COMMD1: variants seen among roughly 807,000 people sequenced by gnomAD.
COMMD1 encodes COMM domain-containing protein 1.
In COMMD1, 10 loss-of-function variants were observed where a neutral mutation model predicts 17.2. The ratio of observed to expected loss-of-function variants is 0.58; its 90% confidence interval spans 0.36 to 0.99. COMMD1 has a LOEUF of 0.99. Ranked by LOEUF, COMMD1 falls within the 50% of genes least tolerant of loss-of-function variation. The pLI, the probability that COMMD1 is intolerant of heterozygous loss-of-function variation, is 0.01. For synonymous variants in COMMD1, 97 were observed against 91.6 expected, an observed-to-expected ratio of 1.06 and a Z score of -0.34; for missense variants, 270 against 231.8, an observed-to-expected ratio of 1.17 and a Z score of -1.07.
intron 1 of COMMD1, among the ~76,000 whole-genome samples, chr2:61,890,498 C>G (rs1035171314): frequency 2.6e-5 from 4 of 152,078 alleles, no homozygotes; most frequent in African/African-American, 9.7e-5. Context: ...GGATTGCAGG[C>G]TTGGCGAGAG....
At chr2:62,021,188 G>A (rs539858773) in intron 2 of COMMD1, among the ~76,000 whole-genome samples, 1 of 152,268 alleles carries the variant, frequency 6.6e-6, no homozygotes, top group Admixed American at 6.5e-5. Context: ...CAGTACTTGG[G>A]ATTTGAATTT....
At chr2:61,921,984 G>A (rs1423350458) in intron 1 of COMMD1, among the ~76,000 whole-genome samples, 1 of 152,070 alleles carries the variant, frequency 6.6e-6, no homozygotes, top group Admixed American at 6.5e-5. Context: ...TCCTGTCGAT[G>A]TATTCTGTAG....
intron 2 of COMMD1, among the ~76,000 whole-genome samples, chr2:62,034,472 C>T (rs1396124170): frequency 1.3e-5 from 2 of 152,056 alleles, no homozygotes; most frequent in Non-Finnish European, 1.5e-5. Context: ...CCAGCCTGGG[C>T]GATAGAGTGA....
intron 1 of COMMD1, among the ~76,000 whole-genome samples, chr2:61,889,299 G>A (rs992027295): frequency 7.3e-6 from 1 of 136,070 alleles, no homozygotes; most frequent in Non-Finnish European, 1.5e-5. Flanking sequence ...CTCGACCTCC[G>A]GGGCCCAAGC....
chr2:61,889,584 A>T (rs1027108918), intron 1 of COMMD1, among the ~76,000 whole-genome samples: 2 of 151,970 alleles, frequency 1.3e-5, no homozygotes, highest in Admixed American at 1.3e-4. Flanking sequence ...TCTCTAAGGG[A>T]TATGACTGAG....
chr2:61,951,145 G>T (rs949792258), intron 1 of COMMD1, among the ~76,000 whole-genome samples: 9 of 152,136 alleles, frequency 5.9e-5, no homozygotes, highest in Non-Finnish European at 1.3e-4. Context: ...CCAGAGGGAA[G>T]TTGGATAAGG....
intron 2 of COMMD1, chr2:62,069,793 T>C (rs1383987058): frequency 6.6e-6 from 1 of 152,214 alleles, no homozygotes; most frequent in Non-Finnish European, 1.5e-5. Context: ...CCTAAAATTA[T>C]CACTTGTGGC....
intron 1 of COMMD1, among the ~76,000 whole-genome samples, chr2:61,938,822 GAAAT>G (rs1403392890): frequency 1.3e-5 from 2 of 152,048 alleles, no homozygotes; most frequent in African/African-American, 4.8e-5. Flanking sequence ...TAAGTAATGA[GAAAT>G]AAATAACATT....
chr2:61,902,312 C>T (rs549146660), upstream of COMMD1, among the ~76,000 whole-genome samples: 10 of 151,734 alleles, frequency 6.6e-5, no homozygotes, highest in South Asian at 1.5e-3. Context: ...TCGAGACCAG[C>T]GTGCCCAAGA....
chr2:62,095,428 C>T (rs528399965), intron 2 of COMMD1, among the ~76,000 whole-genome samples: 2 of 151,866 alleles, frequency 1.3e-5, no homozygotes, highest in Non-Finnish European at 2.9e-5. Flanking sequence ...AAATGCAAAC[C>T]GAGAGAGCAT....
intron 1 of COMMD1, among the ~76,000 whole-genome samples, chr2:61,988,413 C>T (rs1446219484): frequency 6.6e-6 from 1 of 152,168 alleles, no homozygotes; most frequent in Non-Finnish European, 1.5e-5. Flanking sequence ...CCCTTCATAG[C>T]AACTGGTTCC....
At chr2:61,995,189 A>G (rs767442127) in intron 1 of COMMD1, among the ~76,000 whole-genome samples, 2 of 152,158 alleles carry the variant, frequency 1.3e-5, no homozygotes, top group African/African-American at 2.4e-5. Flanking sequence ...GGCTTGAACA[A>G]TACTCCTGCC....
intron 2 of COMMD1, among the ~76,000 whole-genome samples, chr2:62,122,330 T>C (rs1672771007): frequency 6.6e-6 from 1 of 152,206 alleles, no homozygotes; most frequent in African/African-American, 2.4e-5. Context: ...TTTGAAAGTA[T>C]CAAAACTCGG....
In COMMD1 at chr2:62,018,996, A is replaced by G. The variant is rs560637434; in HGVS notation, c.462+18014A>G. 2.7e-5 allele frequency among the ~76,000 whole-genome samples: 4 copies of G among 150,242 alleles called. No homozygotes were observed. The East Asian group carries it at 8.0e-4, about 30-fold the overall frequency. ...ATGGTAGAAGAATAGAAGAGAGCAA[A>G]CCCACTCCTACAACCAACCAACCAA... On this transcript the variant is annotated intron_variant, in intron 2 of 2. Transcript: ENST00000311832.
At chr2:62,085,412 T>C (rs898243949) in intron 2 of COMMD1, among the ~76,000 whole-genome samples, 2 of 151,216 alleles carry the variant, frequency 1.3e-5, no homozygotes, top group African/African-American at 4.9e-5. Flanking sequence ...AGAGACGGGG[T>C]TTCACCATAT....
chr2:61,969,815 T>G (rs190876889), intron 1 of COMMD1, among the ~76,000 whole-genome samples: 1 of 152,344 alleles, frequency 6.6e-6, no homozygotes, highest in Admixed American at 6.5e-5. Context: ...CAGTCATTCT[T>G]TCTTCCTGGC....
chr2:61,939,879 T>A (rs1437728996), intron 1 of COMMD1, among the ~76,000 whole-genome samples: 3 of 152,200 alleles, frequency 2.0e-5, no homozygotes, highest in Non-Finnish European at 4.4e-5. Context: ...GCTCCTCAGA[T>A]AACTAGAATC....
At chr2:62,038,287 C>CA (rs1670093640) in intron 2 of COMMD1, among the ~76,000 whole-genome samples, 1 of 151,984 alleles carries the variant, frequency 6.6e-6, no homozygotes, top group Admixed American at 6.6e-5. Flanking sequence ...GACTCTGTCT[C>CA]AAACAGCAAC....
intron 1 of COMMD1, among the ~76,000 whole-genome samples, chr2:61,998,909 T>A (rs1668843821): frequency 6.6e-6 from 1 of 152,206 alleles, no homozygotes; most frequent in South Asian, 2.1e-4. Context: ...AGTTAGTTTA[T>A]CTGTCTTCTA....
Sources: allele counts gnomAD v4.1 joint callset (sites outside exome capture counted in the v4.1 genomes callset), GRCh38; gene constraint gnomAD v4.1.1; transcripts MANE v1.5; gene names NCBI Gene and HGNC (gene_info 2026-07-23, HGNC 2026-07-21).